Variants in COMMD1 observed in about 807,000 individuals in gnomAD.
COMMD1 encodes copper metabolism domain containing 1.
COMMD1 carries 10 observed loss-of-function variants against 17.2 expected under a neutral mutation model. The ratio of observed to expected loss-of-function variants is 0.58; its 90% CI spans 0.36 to 0.99. The LOEUF is 0.99. Among genes scored for constraint, COMMD1 ranks in the 50% least tolerant of loss-of-function variants. The pLI, the probability that COMMD1 is intolerant of heterozygous loss-of-function variation, is 0.01. For synonymous variants in COMMD1, 97 were observed against 91.6 expected, an observed-to-expected ratio of 1.06 and a Z score of -0.34; for missense variants, 270 against 231.8, an observed-to-expected ratio of 1.17 and a Z score of -1.07.
chr2:62,078,926 AG>A (rs1166582750), intron 2 of COMMD1, among the ~76,000 whole-genome samples: 8 of 151,866 alleles, frequency 5.3e-5, no homozygotes, highest in Admixed American at 4.6e-4. Context: ...TTATTTGCAG[AG>A]GAAGCCTTCA....
intron 1 of COMMD1, among the ~76,000 whole-genome samples, chr2:61,929,712 A>C (rs1343174870): frequency 6.6e-6 from 1 of 152,146 alleles, no homozygotes; most frequent in African/African-American, 2.4e-5. Context: ...CAGGAGGATC[A>C]CTTGAGCCCA....
chr2:61,910,323 T>C (rs1306619282), intron 1 of COMMD1, among the ~76,000 whole-genome samples: 1 of 151,798 alleles, frequency 6.6e-6, no homozygotes, highest in East Asian at 1.9e-4. Flanking sequence ...CGATCTTGGC[T>C]CACTGCAACC....
chr2:61,904,223 G>A (rs1053466596), upstream of COMMD1, among the ~76,000 whole-genome samples: 1 of 152,030 alleles, frequency 6.6e-6, no homozygotes. Context: ...GTGTTAGCCA[G>A]GATGGTCTTG....
intron 1 of COMMD1, among the ~76,000 whole-genome samples, chr2:61,889,687 G>A (rs939953246): frequency 2.0e-5 from 3 of 152,136 alleles, no homozygotes; most frequent in Non-Finnish European, 4.4e-5. Context: ...ATGAGGCGAG[G>A]TTAGTTATCT....
At chr2:62,049,677 TACTC>T (rs1670485593) in intron 2 of COMMD1, among the ~76,000 whole-genome samples, 1 of 152,182 alleles carries the variant, frequency 6.6e-6, no homozygotes. Context: ...AGGCAGCACT[TACTC>T]AGGTATTCCA....
rs552743355 is a variant in COMMD1 at position 62,043,390 on chromosome 2, A to G, written c.462+42408A>G. ...TTAGGACTAAACCTTGTTGGGAGTC[A>G]TTTTTCAGTCTCATAAGGAAGAAGG... On this transcript the variant is annotated intron_variant, in intron 2 of 2. Transcript: ENST00000311832. Among the ~76,000 whole-genome samples, 282 of 152,164 alleles carry G rather than the reference A, an allele frequency of 1.9e-3. 1 individual carries two copies. Among genetic ancestry groups the G allele is most frequent in the African/African-American group, 6.6e-3 (275 of 41,492 alleles).
chr2:61,969,059 A>G (rs1164957886), intron 1 of COMMD1: 1 of 443,384 alleles, frequency 2.3e-6, no homozygotes, highest in South Asian at 1.6e-5. Flanking sequence ...CCTGGGCTCA[A>G]GTGATTCTCC....
chr2:61,952,660 G>A (rs1671089504), intron 1 of COMMD1, among the ~76,000 whole-genome samples: 1 of 152,130 alleles, frequency 6.6e-6, no homozygotes, highest in Admixed American at 6.5e-5. Flanking sequence ...CTGAGTTCTT[G>A]GAGAGACTGA....
chr2:61,893,095 G>A (rs370479183), intron 1 of COMMD1, among the ~76,000 whole-genome samples: 3 of 152,016 alleles, frequency 2.0e-5, no homozygotes, highest in Admixed American at 6.5e-5. Flanking sequence ...TCGAACTCCC[G>A]ACCACAGGTG....
At chr2:62,044,414 G>A (rs1670324042) in intron 2 of COMMD1, among the ~76,000 whole-genome samples, 1 of 152,146 alleles carries the variant, frequency 6.6e-6, no homozygotes. Context: ...TGCTGTTTGT[G>A]TATTCTGTGT....
chr2:62,067,076 C>T lies in COMMD1; in HGVS notation c.462+66094C>T, dbSNP rs572221112. 1.9e-4 allele frequency among the ~76,000 whole-genome samples: 29 copies of T among 151,902 alleles called. No homozygotes were observed. In the East Asian group the frequency reaches 5.3e-3, roughly 28 times the overall value. ...TTTGTTATTGTTAAAATCCTAGGTT[C>T]CGGCCGGGCATGGTGGCTCATGCCT... is the stretch of plus-strand genomic sequence containing the variant. On this transcript the variant is annotated intron_variant, in intron 2 of 2. Transcript: ENST00000311832.
At chr2:61,925,388 T>C (rs577278914) in intron 1 of COMMD1, among the ~76,000 whole-genome samples, 7 of 151,772 alleles carry the variant, frequency 4.6e-5, no homozygotes, top group East Asian at 1.9e-4. Context: ...GGGGTTTATA[T>C]TGGGGAGGGG....
At chr2:62,047,890 A>G (rs1670423686) in intron 2 of COMMD1, among the ~76,000 whole-genome samples, 1 of 152,144 alleles carries the variant, frequency 6.6e-6, no homozygotes, top group South Asian at 2.1e-4. Flanking sequence ...TAGTTGCTCA[A>G]AGTGTTCAGT....
At chr2:61,989,740 A>C (rs1672197737) in intron 1 of COMMD1, among the ~76,000 whole-genome samples, 1 of 152,198 alleles carries the variant, frequency 6.6e-6, no homozygotes, top group Admixed American at 6.5e-5. Flanking sequence ...CTGGGATTAC[A>C]GGAGTGAGCC....
At chr2:62,078,401 A>G (rs1671413067) in intron 2 of COMMD1, among the ~76,000 whole-genome samples, 1 of 145,968 alleles carries the variant, frequency 6.9e-6, no homozygotes, top group African/African-American at 2.5e-5. Flanking sequence ...AAAATAAAAA[A>G]AATTAGCCGG....
chr2:61,997,333 T>C (rs1432611072), intron 1 of COMMD1, among the ~76,000 whole-genome samples: 1 of 151,906 alleles, frequency 6.6e-6, no homozygotes, highest in African/African-American at 2.4e-5. Flanking sequence ...AGTGCTGAGA[T>C]TATAGGCTTG....
At chr2:61,889,846 T>G (rs1669381561) in intron 1 of COMMD1, among the ~76,000 whole-genome samples, 1 of 152,100 alleles carries the variant, frequency 6.6e-6, no homozygotes, top group African/African-American at 2.4e-5. Context: ...TAAAGATCAT[T>G]TATTTCCGTT....
chr2:61,995,815 A>G (rs577435132), intron 1 of COMMD1, among the ~76,000 whole-genome samples: 4 of 152,154 alleles, frequency 2.6e-5, no homozygotes, highest in Non-Finnish European at 4.4e-5. Context: ...CTATAATACT[A>G]TCATCTACCT....
chr2:62,130,816 C>T (rs989330834), intron 2 of COMMD1, among the ~76,000 whole-genome samples: 2 of 152,204 alleles, frequency 1.3e-5, no homozygotes, highest in African/African-American at 2.4e-5. Context: ...GACAATAATA[C>T]TCAAAGAGGT....
Sources: allele counts gnomAD v4.1 joint callset (sites outside exome capture counted in the v4.1 genomes callset), GRCh38; gene constraint gnomAD v4.1.1; transcripts MANE v1.5; gene names NCBI Gene and HGNC (gene_info 2026-07-23, HGNC 2026-07-21).